Variants in CDH8 observed in about 807,000 individuals in gnomAD.
The protein encoded by CDH8 is cadherin 8, also known as cadherin-8.
In CDH8, 17 loss-of-function variants were observed where a neutral mutation model predicts 68.1. That is an observed-to-expected ratio of 0.25 (90% CI 0.17 to 0.37). The LOEUF is 0.37. CDH8 is among the 10% of genes least tolerant of loss of function. CDH8 has a pLI of 1.00. For synonymous variants in CDH8, 372 were observed against 365.1 expected, an observed-to-expected ratio of 1.02 and a Z score of -0.21; for missense variants, 763 against 999.3, an observed-to-expected ratio of 0.76 and a Z score of 3.19.
intron 4 of CDH8, among the ~76,000 whole-genome samples, chr16:61,841,879 T>G (rs2143008491): frequency 6.6e-6 from 1 of 151,710 alleles, no homozygotes; most frequent in African/African-American, 2.4e-5. Flanking sequence ...TAAAGAAACT[T>G]TTGTGATTTG....
rs367614611 is a variant in CDH8 at position 61,807,328 on chromosome 16, G to C, written c.1277+10151C>G. ...CACACTCTGGGGACTGTGGTGGGGT[G>C]GGGGGAGGGGGGAGGGATAGCATTG... is the stretch of plus-strand genomic sequence containing the variant. On this transcript the variant is annotated intron_variant, in intron 7 of 11. Coordinates refer to ENST00000577390, the MANE Select transcript of CDH8 (RefSeq NM_001796.5). 6.5e-3 allele frequency among the ~76,000 whole-genome samples: 753 copies of C among 115,088 alleles called. 9 individuals are homozygous for C. Among genetic ancestry groups the C allele is most frequent in the Admixed American group, 0.028 (279 of 9,956 alleles). The allele number at this position is 115,088 out of a possible 152,430, so 75.5% of individuals were successfully genotyped here.
intron 7 of CDH8, among the ~76,000 whole-genome samples, chr16:61,807,682 C>G (rs1961828308): frequency 5.3e-5 from 8 of 152,118 alleles, no homozygotes. Context: ...GGGTCCATCT[C>G]AGTTTCAGAA....
chr16:61,881,117 A>G (rs1490738108), intron 3 of CDH8, among the ~76,000 whole-genome samples: 1 of 152,214 alleles, frequency 6.6e-6, no homozygotes, highest in East Asian at 1.9e-4. Context: ...GCAGCCCATG[A>G]GAGGCTGAAG....
At chr16:61,923,993 G>A (rs1395184388) in intron 2 of CDH8, among the ~76,000 whole-genome samples, 1 of 149,416 alleles carries the variant, frequency 6.7e-6, no homozygotes, top group Admixed American at 6.9e-5. Context: ...GCCCTCTCTA[G>A]CAATTTTGGG....
chr16:61,779,799 C>T (rs939228398), intron 8 of CDH8, among the ~76,000 whole-genome samples: 15 of 152,134 alleles, frequency 9.9e-5, no homozygotes, highest in African/African-American at 3.4e-4. Flanking sequence ...ATTCCTTCAC[C>T]TCACCCTTGT....
chr16:61,894,395 T>C (rs1199680573), intron 3 of CDH8, among the ~76,000 whole-genome samples: 1 of 152,154 alleles, frequency 6.6e-6, no homozygotes, highest in Non-Finnish European at 1.5e-5. Flanking sequence ...ACCCACGATA[T>C]TGGGACAGCT....
intron 8 of CDH8, among the ~76,000 whole-genome samples, chr16:61,756,683 A>C (rs1960328318): frequency 6.6e-6 from 1 of 152,194 alleles, no homozygotes. Context: ...GTTACTCTTC[A>C]TTCTTTTCAC....
intron 10 of CDH8, among the ~76,000 whole-genome samples, chr16:61,707,004 T>C (rs1319479501): frequency 6.6e-6 from 1 of 152,206 alleles, no homozygotes; most frequent in African/African-American, 2.4e-5. Flanking sequence ...AAATAACTAC[T>C]TAAGTTACCC....
chr16:61,931,337 A>G (rs746948479), intron 2 of CDH8, among the ~76,000 whole-genome samples: 6 of 152,026 alleles, frequency 3.9e-5, no homozygotes, highest in Non-Finnish European at 8.8e-5. Flanking sequence ...CTAATTTTTA[A>G]AAAATAATTA....
At chr16:61,843,305 C>T (rs537531136) in intron 4 of CDH8, among the ~76,000 whole-genome samples, 1 of 152,248 alleles carries the variant, frequency 6.6e-6, no homozygotes, top group East Asian at 1.9e-4. Flanking sequence ...GGCTTAATGC[C>T]CTTCAGTGAC....
chr16:61,756,168 A>G (rs1186858260), intron 8 of CDH8, among the ~76,000 whole-genome samples: 1 of 152,040 alleles, frequency 6.6e-6, no homozygotes, highest in Non-Finnish European at 1.5e-5. Context: ...CTCCCAAAAC[A>G]CTGATATTTT....
chr16:61,953,031 G>T (rs150992044), intron 2 of CDH8, among the ~76,000 whole-genome samples: 1 of 152,106 alleles, frequency 6.6e-6, no homozygotes, highest in Non-Finnish European at 1.5e-5. Flanking sequence ...ATTAGGTAAC[G>T]TGGGCTGACT....
At chr16:61,779,466 C>T (rs199854250) in intron 8 of CDH8, among the ~76,000 whole-genome samples, 117 of 53,626 alleles carry the variant, frequency 2.2e-3, no homozygotes, top group South Asian at 8.3e-3. Flanking sequence ...TGTGTGTGTG[C>T]GCGCATGGTG....
chr16:61,790,589 G>A (rs1355541932), intron 7 of CDH8, among the ~76,000 whole-genome samples: 1 of 151,986 alleles, frequency 6.6e-6, no homozygotes, highest in Non-Finnish European at 1.5e-5. Context: ...ACTCAAAGCT[G>A]AAGCATGGTC....
At chr16:61,931,700 A>T (rs945251165) in intron 2 of CDH8, among the ~76,000 whole-genome samples, 1 of 152,216 alleles carries the variant, frequency 6.6e-6, no homozygotes, top group Admixed American at 6.5e-5. Context: ...TAAATGTTAC[A>T]TAAAAGTAAC....
At chr16:61,961,400 G>A (rs1290703013) in intron 2 of CDH8, among the ~76,000 whole-genome samples, 2 of 151,868 alleles carry the variant, frequency 1.3e-5, no homozygotes, top group African/African-American at 2.4e-5. Context: ...ACACTTCTCC[G>A]GCAAATCCCT....
intron 8 of CDH8, among the ~76,000 whole-genome samples, chr16:61,746,854 T>G (rs1048292616): frequency 4.6e-5 from 7 of 152,106 alleles, no homozygotes; most frequent in Non-Finnish European, 1.0e-4. Flanking sequence ...CAGTAAATTC[T>G]GCATTTATTG....
intron 8 of CDH8, among the ~76,000 whole-genome samples, chr16:61,779,014 T>C (rs1418193945): frequency 2.6e-5 from 4 of 152,214 alleles, no homozygotes; most frequent in Admixed American, 1.3e-4. Flanking sequence ...TGCAGCCCGC[T>C]GTAGTGGGCC....
chr16:61,795,211 G>T (rs936302991), intron 7 of CDH8, among the ~76,000 whole-genome samples: 1 of 152,000 alleles, frequency 6.6e-6, no homozygotes, highest in Non-Finnish European at 1.5e-5. Context: ...TAACAACTCT[G>T]GGGTAATGAC....
Sources: allele counts gnomAD v4.1 joint callset (sites outside exome capture counted in the v4.1 genomes callset), GRCh38; gene constraint gnomAD v4.1.1; transcripts MANE v1.5; gene names NCBI Gene and HGNC (gene_info 2026-07-23, HGNC 2026-07-21).